Variants in NBEA observed in about 807,000 individuals in gnomAD.
NBEA encodes lysosomal-trafficking regulator 2.
NBEA carries 44 observed loss-of-function variants against 343.4 expected under a neutral mutation model. The ratio of observed to expected loss-of-function variants is 0.13; its 90% CI spans 0.10 to 0.16. The LOEUF is 0.16. Among genes scored for constraint, NBEA ranks in the 10% least tolerant of loss-of-function variants. NBEA has a pLI of 1.00. For synonymous variants in NBEA, 1,175 were observed against 1,238.7 expected, an observed-to-expected ratio of 0.95 and a Z score of 1.08; for missense variants, 2,555 against 3,631.3, an observed-to-expected ratio of 0.70 and a Z score of 7.62.
rs910044580 is a variant in NBEA, at chr13:35,367,551, GTTGT to G, written c.6179+15231_6179+15234del. On this transcript the variant is annotated intron_variant, in intron 38 of 58. Transcript: ENST00000379939. ...GTGCATACTGTTAGAAGCTGTTGTT[GTTGT>G]TTTTTTTTTTTCCAACTGGTGTTCT... Among the ~76,000 whole-genome samples the G allele has an allele frequency of 1.1e-4, 13 of 122,450 alleles. No homozygotes were observed. The East Asian group carries it at 1.2e-3, about 12-fold the overall frequency. 80.3% of individuals were successfully genotyped at this position (122,450 alleles called of 152,430 possible). A position where few individuals can be genotyped will look rare whatever the true frequency, so the allele number is the denominator to read the frequency against.
intron 1 of NBEA, among the ~76,000 whole-genome samples, chr13:35,009,846 C>T (rs2061426740): frequency 6.6e-6 from 1 of 152,096 alleles, no homozygotes; most frequent in Admixed American, 6.5e-5. Flanking sequence ...AAGAACTGAC[C>T]AGAATTTAGA....
intron 1 of NBEA, among the ~76,000 whole-genome samples, chr13:34,957,086 C>T (rs2059521170): frequency 6.6e-6 from 1 of 151,994 alleles, no homozygotes; most frequent in African/African-American, 2.4e-5. Context: ...AACACAAACA[C>T]ATACACACAC....
At chr13:35,158,134 C>CCGGA (rs1936829708) in intron 21 of NBEA, among the ~76,000 whole-genome samples, 1 of 151,974 alleles carries the variant, frequency 6.6e-6, no homozygotes, top group Non-Finnish European at 1.5e-5. Context: ...GCAGTTTTGT[C>CCGGA]CCATGGGCCT....
At chr13:35,214,931 C>T (rs1041216958) in intron 33 of NBEA, among the ~76,000 whole-genome samples, 1 of 151,584 alleles carries the variant, frequency 6.6e-6, no homozygotes, top group Non-Finnish European at 1.5e-5. Flanking sequence ...GTTTTAGTAC[C>T]ATTCAATTAC....
At chr13:35,432,850 G>C (rs1194502293) in intron 39 of NBEA, among the ~76,000 whole-genome samples, 1 of 151,182 alleles carries the variant, frequency 6.6e-6, no homozygotes, top group Non-Finnish European at 1.5e-5. Context: ...ATATACATAT[G>C]TATACTGTGA....
At chr13:34,995,496 A>C (rs1198171477) in intron 1 of NBEA, among the ~76,000 whole-genome samples, 1 of 152,144 alleles carries the variant, frequency 6.6e-6, no homozygotes, top group African/African-American at 2.4e-5. Context: ...ACAAACAAAC[A>C]AACCAAAAAA....
At chr13:34,971,044 AT>A (rs1465073518) in intron 1 of NBEA, among the ~76,000 whole-genome samples, 1 of 151,666 alleles carries the variant, frequency 6.6e-6, no homozygotes, top group African/African-American at 2.4e-5. Context: ...TCATCTCTTG[AT>A]TTCTTTGAGC....
chr13:34,993,037 C>G (rs922049343), intron 1 of NBEA, among the ~76,000 whole-genome samples: 2 of 152,084 alleles, frequency 1.3e-5, no homozygotes, highest in Non-Finnish European at 2.9e-5. Context: ...TCCAATGAGT[C>G]TCATCTCCTG....
intron 1 of NBEA, among the ~76,000 whole-genome samples, chr13:34,944,110 C>T (rs577330244): frequency 1.3e-5 from 2 of 152,286 alleles, no homozygotes; most frequent in Non-Finnish European, 2.9e-5. Flanking sequence ...GCTTTTTAAA[C>T]AGTTTTCTCT....
chr13:35,644,983 C>T (rs909029377), intron 49 of NBEA, among the ~76,000 whole-genome samples: 16 of 152,178 alleles, frequency 1.1e-4, no homozygotes, highest in South Asian at 6.2e-4. Context: ...GTCCCATTTA[C>T]GCGATGGCTA....
At chr13:35,338,326 CA>C (rs976987244) in intron 36 of NBEA, among the ~76,000 whole-genome samples, 79 of 151,956 alleles carry the variant, frequency 5.2e-4, no homozygotes, top group African/African-American at 1.9e-3. Context: ...TACTATAAAC[CA>C]TTGTGTCAAT....
intron 38 of NBEA, among the ~76,000 whole-genome samples, chr13:35,401,135 T>G (rs987529992): frequency 2.0e-5 from 3 of 152,040 alleles, no homozygotes; most frequent in Non-Finnish European, 4.4e-5. Flanking sequence ...TAGAAAATAC[T>G]CCTTACTAAT....
intron 20 of NBEA, among the ~76,000 whole-genome samples, chr13:35,156,538 T>G (rs769087755): frequency 1.3e-5 from 2 of 152,196 alleles, no homozygotes; most frequent in Non-Finnish European, 2.9e-5. Flanking sequence ...TTCCCCATTT[T>G]CATCTATGCT....
intron 40 of NBEA, among the ~76,000 whole-genome samples, chr13:35,472,198 A>AT (rs1188967291): frequency 6.6e-6 from 1 of 152,126 alleles, no homozygotes; most frequent in Non-Finnish European, 1.5e-5. Flanking sequence ...TTTTCATACC[A>AT]TTTTTTCTCT....
At chr13:35,040,547 C>CA (rs905552732) in intron 1 of NBEA, among the ~76,000 whole-genome samples, 12 of 151,484 alleles carry the variant, frequency 7.9e-5, no homozygotes, top group South Asian at 2.1e-4. Flanking sequence ...CTAGTAATGT[C>CA]AAAAAAAATG....
intron 38 of NBEA, among the ~76,000 whole-genome samples, chr13:35,431,675 C>G (rs2045120722): frequency 6.6e-6 from 1 of 152,116 alleles, no homozygotes; most frequent in Non-Finnish European, 1.5e-5. Flanking sequence ...TTTTGCAGCT[C>G]TAATTCAGTA....
chr13:35,248,387 G>C (rs2031509780), intron 34 of NBEA, among the ~76,000 whole-genome samples: 1 of 152,024 alleles, frequency 6.6e-6, no homozygotes, highest in Non-Finnish European at 1.5e-5. Context: ...TTACTGTGTG[G>C]GGAAAAAAAG....
intron 46 of NBEA, among the ~76,000 whole-genome samples, chr13:35,584,273 C>A (rs1481389338): frequency 6.6e-6 from 1 of 151,050 alleles, no homozygotes; most frequent in South Asian, 2.1e-4. Context: ...TTAAACCAAA[C>A]CAGTTGTCCA....
intron 17 of NBEA, among the ~76,000 whole-genome samples, chr13:35,124,252 TG>T (rs1484032142): frequency 2.3e-4 from 31 of 136,306 alleles, no homozygotes; most frequent in Admixed American, 5.6e-4. Flanking sequence ...TTTTCGCCCT[TG>T]TTTTTTTTTT....
Sources: gnomAD v4.1 joint callset for allele counts (sites outside exome capture counted in the v4.1 genomes callset) on GRCh38, gnomAD v4.1.1 for gene constraint, MANE v1.5 for transcripts, NCBI Gene and HGNC (gene_info 2026-07-23, HGNC 2026-07-21) for gene names.